C3orf20: variants seen among roughly 807,000 people sequenced by gnomAD.
The protein encoded by C3orf20 is uncharacterized protein C3orf20.
A neutral mutation model predicts 88.3 loss-of-function variants in C3orf20; 76 were observed. The ratio of observed to expected loss-of-function variants is 0.86; its 90% CI spans 0.72 to 1.04. C3orf20 has a LOEUF of 1.04. C3orf20 is among the 50% of genes least tolerant of loss of function. C3orf20 has a pLI of 0.00. For synonymous variants in C3orf20, 436 were observed against 437.4 expected (o/e 1.00, Z 0.04); for missense variants, 1,056 against 1,123.3 (o/e 0.94, Z 0.86).
chr3:14,748,667 G>A (rs1336608967), intron 12 of C3orf20, among the ~76,000 whole-genome samples: 1 of 152,064 alleles, frequency 6.6e-6, no homozygotes, highest in Non-Finnish European at 1.5e-5. Flanking sequence ...TTTCCTTAAA[G>A]TGTTGTTTTC....
At position 14,686,193 on chromosome 3, in the gene C3orf20, C is replaced by CGTGTGTGTGTGTGTGTGTGTGTGT. The variant is rs58844982; in HGVS notation, c.625+1830_625+1831insTGTGTGTGTGTGTGTGTGTGTGTG. ...CCTTTTTTAATAGCTGAATCATATT[C>CGTGTGTGTGTGTGTGTGTGTGTGT]GTGTGTGTGTGTGTGTGTGACATTT... On this transcript the variant is annotated intron_variant, in intron 4 of 16. Transcript: ENST00000253697. Among the ~76,000 whole-genome samples, 251 of 149,586 alleles carry CGTGTGTGTGTGTGTGTGTGTGTGT rather than the reference C, an allele frequency of 1.7e-3. 1 individual carries two copies. The highest frequency in any genetic ancestry group is 5.0e-3 in the African/African-American group (203 of 40,478).
intron 12 of C3orf20, among the ~76,000 whole-genome samples, chr3:14,745,466 C>T (rs2035032012): frequency 1.3e-5 from 2 of 152,332 alleles, no homozygotes; most frequent in East Asian, 3.9e-4. Flanking sequence ...TACTTTTTCA[C>T]AATATGTCAT....
In C3orf20 at chr3:14,689,876, T is replaced by C. The variant is rs1314730568; in HGVS notation, c.626-121T>C. The C allele has an allele frequency of 1.2e-5, 16 of 1,296,988 alleles. No individual in the cohort carries two copies. The African/African-American group carries it at 1.5e-4, about 12-fold the overall frequency. 80.3% of individuals were successfully genotyped at this position (1,296,988 alleles called of 1,614,324 possible). On this transcript the variant is annotated intron_variant, in intron 4 of 16. Coordinates refer to ENST00000253697, the MANE Select transcript of C3orf20 (RefSeq NM_032137.5). ...CCAAGATCTAGGTGTTTTGTAACAA[T>C]GCGGCACTTTACAGTATGTGACCCA...
chr3:14,731,129 C>G (rs2034529358), intron 12 of C3orf20, among the ~76,000 whole-genome samples: 1 of 152,212 alleles, frequency 6.6e-6, no homozygotes, highest in African/African-American at 2.4e-5. Flanking sequence ...TTATGCTATT[C>G]CTTTGTAGCC....
At chr3:14,755,607 C>A (rs1268174575) in intron 12 of C3orf20, among the ~76,000 whole-genome samples, 1 of 152,188 alleles carries the variant, frequency 6.6e-6, no homozygotes, top group African/African-American at 2.4e-5. Flanking sequence ...AAATAATGCT[C>A]ATCTTGCATT....
intron 12 of C3orf20, among the ~76,000 whole-genome samples, chr3:14,735,951 T>C (rs549143468): frequency 6.6e-6 from 1 of 152,324 alleles, no homozygotes; most frequent in African/African-American, 2.4e-5. Flanking sequence ...TTTACTTTTT[T>C]CATTGTTCTT....
chr3:14,711,527 A>C (rs918606782), intron 7 of C3orf20, among the ~76,000 whole-genome samples: 1 of 150,496 alleles, frequency 6.6e-6, no homozygotes, highest in Non-Finnish European at 1.5e-5. Flanking sequence ...TTTTTCTATC[A>C]TTTCACTTTC....
chr3:14,691,016 C>G (rs1353010371), intron 5 of C3orf20, among the ~76,000 whole-genome samples: 1 of 152,242 alleles, frequency 6.6e-6, no homozygotes, highest in Non-Finnish European at 1.5e-5. Flanking sequence ...CATGGGCGTG[C>G]CTTGTATTTC....
At chr3:14,767,708 C>T (rs1169410546) in intron 15 of C3orf20, among the ~76,000 whole-genome samples, 3 of 152,228 alleles carry the variant, frequency 2.0e-5, no homozygotes, top group Non-Finnish European at 2.9e-5. Context: ...TGTAAATTGC[C>T]ACATGTCCCC....
intron 12 of C3orf20, among the ~76,000 whole-genome samples, chr3:14,731,082 G>A (rs1416271857): frequency 3.9e-5 from 6 of 152,036 alleles, no homozygotes; most frequent in African/African-American, 1.5e-4. Flanking sequence ...GATGCAGGAC[G>A]ATTCCATCAC....
chr3:14,771,641 G>A (rs910811468), intron 15 of C3orf20, among the ~76,000 whole-genome samples: 4 of 152,294 alleles, frequency 2.6e-5, no homozygotes, highest in East Asian at 1.9e-4. Context: ...TGTCTGCAGC[G>A]ACCCTATTTC....
At chr3:14,762,232 G>T (rs2035584014) in intron 15 of C3orf20, among the ~76,000 whole-genome samples, 1 of 152,172 alleles carries the variant, frequency 6.6e-6, no homozygotes, top group Admixed American at 6.5e-5. Flanking sequence ...GTGATCCCAG[G>T]CCCCTGTAGC....
intron 7 of C3orf20, among the ~76,000 whole-genome samples, chr3:14,712,965 A>G (rs2033808386): frequency 6.6e-6 from 1 of 152,204 alleles, no homozygotes; most frequent in Middle Eastern, 3.4e-3. Context: ...AGGTCTTTAG[A>G]TATTTCATAT....
At chr3:14,725,282 C>T (rs1204754455) in intron 10 of C3orf20, among the ~76,000 whole-genome samples, 1 of 152,124 alleles carries the variant, frequency 6.6e-6, no homozygotes, top group Non-Finnish European at 1.5e-5. Flanking sequence ...CAAGGAGCTT[C>T]CAAGAAAATG....
intron 10 of C3orf20, among the ~76,000 whole-genome samples, chr3:14,724,652 A>G (rs1427458837): frequency 6.6e-6 from 1 of 152,246 alleles, no homozygotes; most frequent in Non-Finnish European, 1.5e-5. Flanking sequence ...ATTTCTCATT[A>G]ATAATTGACT....
At chr3:14,705,801 C>T (rs1382716123) in intron 7 of C3orf20, among the ~76,000 whole-genome samples, 1 of 152,084 alleles carries the variant, frequency 6.6e-6, no homozygotes, top group Non-Finnish European at 1.5e-5. Flanking sequence ...TGTTTCTGCC[C>T]CTTCACTGTA....
intron 12 of C3orf20, among the ~76,000 whole-genome samples, chr3:14,757,112 G>C (rs1310014207): frequency 6.6e-6 from 1 of 152,202 alleles, no homozygotes; most frequent in East Asian, 1.9e-4. Context: ...GTGAGAGAAG[G>C]GAGTTAAGGA....
chr3:14,715,295 A>G lies in C3orf20; in HGVS notation c.1320A>G (p.Pro440=), dbSNP rs139293529. 2.6e-3 allele frequency: 4,149 copies of G among 1,611,866 alleles called. 11 individuals are homozygous for G. The highest frequency in any genetic ancestry group is 2.8e-3 in the Non-Finnish European group (3,277 of 1,179,458). The change falls in exon 9 of 17, where the codon CCA becomes CCG. Residue 440 remains proline (P), a synonymous_variant. Coordinates refer to ENST00000253697, the MANE Select transcript of C3orf20 (RefSeq NM_032137.5). ...ACTTCTGTATCTCTCCTAGTTGCCC[A>G]TATGTCTTAATCTTGGATGAGGAAG... ...CVHYNLKTSC[P]YVLILDEEGG...
intron 12 of C3orf20, 21 bp from the exon 13 acceptor site, chr3:14,757,350 G>A (rs1217828414): frequency 1.9e-6 from 3 of 1,601,758 alleles, no homozygotes; most frequent in Admixed American, 3.4e-5. Flanking sequence ...GGGTCCCTGT[G>A]CACTGTGCTC....
Sources: gnomAD v4.1 joint callset for allele counts (sites outside exome capture counted in the v4.1 genomes callset) on GRCh38, gnomAD v4.1.1 for gene constraint, MANE v1.5 for transcripts, NCBI Gene and HGNC (gene_info 2026-07-23, HGNC 2026-07-21) for gene names.